Variants in TMEM178A observed in about 807,000 individuals in gnomAD.
TMEM178A encodes transmembrane protein 178.
Under a neutral mutation model 29.1 loss-of-function variants are expected in TMEM178A, and 12 were observed. The observed-to-expected ratio is 0.41, with a 90% CI of 0.26 to 0.67. TMEM178A has a LOEUF of 0.67. TMEM178A is among the 30% of genes least tolerant of loss of function. TMEM178A has a pLI of 0.29. For missense variants in TMEM178A, 366 were observed against 419.1 expected (o/e 0.87, Z 1.11); for synonymous variants, 210 against 187.2 (o/e 1.12, Z -0.99).
chr2:39,666,378 A>AC lies in TMEM178A; in HGVS notation c.400+4_400+5insC. ...ATCGACACCCTCATCCTGAAAGGTG[A>AC]GCGGCGGGCGCACCCCGCGTCCCCG... On this transcript the variant is annotated splice_donor_region_variant and intron_variant, in intron 1 of 3. Coordinates refer to ENST00000281961, the MANE Select transcript of TMEM178A (RefSeq NM_152390.3). The AC allele has an allele frequency of 7.3e-7, 1 of 1,366,412 alleles. No homozygotes were observed. Among genetic ancestry groups the AC allele is most frequent in the Non-Finnish European group, 9.5e-7 (1 of 1,054,574 alleles). The allele number at this position is 1,366,412 out of a possible 1,614,324, so 84.6% of individuals were successfully genotyped here.
At chr2:39,698,667 A>G (rs762514171) in intron 1 of TMEM178A, among the ~76,000 whole-genome samples, 5 of 150,608 alleles carry the variant, frequency 3.3e-5, no homozygotes, top group Non-Finnish European at 7.4e-5. Context: ...ATGGCCTCAT[A>G]GAAAGAAGTA....
intron 1 of TMEM178A, among the ~76,000 whole-genome samples, chr2:39,695,725 G>A (rs561697411): frequency 1.2e-4 from 18 of 151,934 alleles, no homozygotes; most frequent in Admixed American, 1.2e-3. Flanking sequence ...GTCTGAATTC[G>A]ATTCAGGGGG....
chr2:39,681,198 ATCTGCTAC>A (rs1183904307), intron 1 of TMEM178A, among the ~76,000 whole-genome samples: 1 of 152,200 alleles, frequency 6.6e-6, no homozygotes, highest in Non-Finnish European at 1.5e-5. Context: ...ATAATGGCAG[ATCTGCTAC>A]TCAACCTCTG....
intron 1 of TMEM178A, among the ~76,000 whole-genome samples, chr2:39,686,233 G>A (rs532246899): frequency 1.3e-5 from 2 of 152,270 alleles, no homozygotes; most frequent in East Asian, 3.9e-4. Flanking sequence ...CTAGCCCAAG[G>A]CTCTTTAGTT....
At chr2:39,678,306 A>G (rs1451083847) in intron 1 of TMEM178A, among the ~76,000 whole-genome samples, 6 of 152,272 alleles carry the variant, frequency 3.9e-5, no homozygotes, top group Non-Finnish European at 8.8e-5. Flanking sequence ...ACTATTTGCA[A>G]TAGCCAAAAT....
intron 2 of TMEM178A, among the ~76,000 whole-genome samples, chr2:39,704,955 ATC>A (rs1671960129): frequency 1.3e-5 from 2 of 152,194 alleles, no homozygotes; most frequent in African/African-American, 2.4e-5. Context: ...CTGTAAGTAA[ATC>A]TCTCTGCGGA....
At chr2:39,720,062 C>A (rs778715862), downstream of TMEM178A, among the ~76,000 whole-genome samples, 2 of 151,986 alleles carry the variant, frequency 1.3e-5, no homozygotes, top group Non-Finnish European at 2.9e-5. Context: ...CTCTTTTTGG[C>A]CCTAAATTGT....
rs1670141634 is a variant in TMEM178A at position 39,666,120 on chromosome 2, G to C, written c.146G>C (p.Gly49Ala). 2 of 1,552,224 alleles carry C rather than the reference G, an allele frequency of 1.3e-6. No individual in the cohort carries two copies. The highest frequency in any genetic ancestry group is 5.3e-5 in the East Asian group (2 of 37,994). The stretch of plus-strand genomic sequence containing the variant: ...GAGAGCTGCGAGCGCAGCCGCGCGG[G>C]CGCCGACCCCCCGGACCAGAAGAAC... ...HKESCERSRA[G>A]ADPPDQKNRL... Residue 49 changes from glycine to alanine, a missense_variant, in exon 1 of 4, where the codon GGC becomes GCC. Physicochemically the swap from Gly to Ala is moderately conservative, Grantham distance 60. This residue lies in a region of TMEM178A where 247 missense variants were observed against 246.8 expected (regional missense o/e 1.00). Coordinates refer to ENST00000281961, the MANE Select transcript of TMEM178A (RefSeq NM_152390.3).
At chr2:39,696,645 C>A (rs1280884141) in intron 1 of TMEM178A, among the ~76,000 whole-genome samples, 1 of 152,140 alleles carries the variant, frequency 6.6e-6, no homozygotes, top group Non-Finnish European at 1.5e-5. Flanking sequence ...ATGTATACTG[C>A]CCGCCTCATT....
At chr2:39,680,194 C>T (rs1034129169) in intron 1 of TMEM178A, among the ~76,000 whole-genome samples, 1 of 152,106 alleles carries the variant, frequency 6.6e-6, no homozygotes, top group Non-Finnish European at 1.5e-5. Context: ...AGGTTGGATT[C>T]GTGTAACCTG....
At chr2:39,702,207 C>G (rs1379802537) in intron 1 of TMEM178A, among the ~76,000 whole-genome samples, 1 of 151,946 alleles carries the variant, frequency 6.6e-6, no homozygotes, top group African/African-American at 2.4e-5. Context: ...ATTGTTGTTG[C>G]TGTTGTTCCT....
At chr2:39,709,292 G>C (rs980550046) in intron 3 of TMEM178A, among the ~76,000 whole-genome samples, 3 of 152,174 alleles carry the variant, frequency 2.0e-5, no homozygotes, top group Non-Finnish European at 4.4e-5. Context: ...CCACGAAATG[G>C]TGCTGCAATT....
chr2:39,671,802 A>T (rs1033995465), intron 1 of TMEM178A, among the ~76,000 whole-genome samples: 1 of 152,178 alleles, frequency 6.6e-6, no homozygotes, highest in East Asian at 1.9e-4. Context: ...CACTCTCAAG[A>T]CTGCTTCTCT....
At chr2:39,732,036 T>G in the TMEM178A span, among the ~76,000 whole-genome samples, 63 of 152,302 alleles carry the variant, frequency 4.1e-4, no homozygotes, top group Admixed American at 7.2e-4. Context: ...TCCCGAGACC[T>G]TATTTCATGT....
At chr2:39,690,609 A>T (rs1558452461) in intron 1 of TMEM178A, among the ~76,000 whole-genome samples, 1 of 152,216 alleles carries the variant, frequency 6.6e-6, no homozygotes, top group Non-Finnish European at 1.5e-5. Context: ...TCCCTATACC[A>T]GTCAGTAAAG....
chr2:39,674,522 G>A (rs1200629079), intron 1 of TMEM178A, among the ~76,000 whole-genome samples: 21 of 152,302 alleles, frequency 1.4e-4, no homozygotes, highest in African/African-American at 4.6e-4. Context: ...GAGGAAGAGC[G>A]GGAGTGGGGC....
At chr2:39,683,447 A>T (rs531974611) in intron 1 of TMEM178A, among the ~76,000 whole-genome samples, 2 of 152,328 alleles carry the variant, frequency 1.3e-5, no homozygotes, top group East Asian at 3.9e-4. Context: ...GCAGTCACGG[A>T]AGAGAAGTAA....
intron 1 of TMEM178A, among the ~76,000 whole-genome samples, chr2:39,673,767 G>C (rs1420670402): frequency 6.6e-6 from 1 of 152,216 alleles, no homozygotes; most frequent in African/African-American, 2.4e-5. Context: ...GTGGATGGGA[G>C]GCTATACTGG....
At chr2:39,705,963 A>T (rs1672013207) in intron 2 of TMEM178A, among the ~76,000 whole-genome samples, 2 of 152,196 alleles carry the variant, frequency 1.3e-5, no homozygotes, top group South Asian at 4.1e-4. Context: ...TTTAGCGAAC[A>T]ATTTTTAAAG....
Sources: gnomAD v4.1 joint callset for allele counts (sites outside exome capture counted in the v4.1 genomes callset) on GRCh38, gnomAD v4.1.1 for gene constraint, gnomAD v4.1.1 regional missense constraint, MANE v1.5 for transcripts, NCBI Gene and HGNC (gene_info 2026-07-23, HGNC 2026-07-21) for gene names.